The following LYPD6 variants were observed in gnomAD, a reference collection of about 807,000 sequenced individuals.
LYPD6 encodes LY6/PLAUR domain containing 6, also known as ly6/PLAUR domain-containing protein 6.
A neutral mutation model predicts 22.7 loss-of-function variants in LYPD6; 15 were observed. The ratio of observed to expected loss-of-function variants is 0.66; its 90% CI spans 0.44 to 1.02. The LOEUF (loss-of-function observed/expected upper bound fraction) is 1.02, where lower values mean the gene tolerates loss of function less well. Among genes scored for constraint, LYPD6 ranks in the 50% least tolerant of loss-of-function variants. LYPD6 has a pLI of 0.00. For missense variants in LYPD6, 189 were observed against 208.4 expected (o/e 0.91, Z 0.57); for synonymous variants, 72 against 77.5 (o/e 0.93, Z 0.37).
intron 1 of LYPD6, among the ~76,000 whole-genome samples, chr2:149,428,423 ACT>A (rs1683231271): frequency 6.6e-6 from 1 of 151,534 alleles, no homozygotes; most frequent in South Asian, 2.1e-4. Context: ...GGCTTTTTTG[ACT>A]CTCTCTCATC....
At chr2:149,407,724 C>G (rs1421304721) in intron 1 of LYPD6, among the ~76,000 whole-genome samples, 1 of 152,230 alleles carries the variant, frequency 6.6e-6, no homozygotes, top group Non-Finnish European at 1.5e-5. Context: ...AAGCCTTCTT[C>G]TCTCAACTTG....
chr2:149,335,663 CCACT>C (rs1337578220), intron 1 of LYPD6, among the ~76,000 whole-genome samples: 1 of 152,160 alleles, frequency 6.6e-6, no homozygotes, highest in Non-Finnish European at 1.5e-5. Context: ...CACTCACTTG[CCACT>C]CACTCACTCA....
intron 1 of LYPD6, among the ~76,000 whole-genome samples, chr2:149,393,350 A>C (rs527321153): frequency 1.3e-5 from 2 of 152,208 alleles, no homozygotes; most frequent in African/African-American, 4.8e-5. Flanking sequence ...CAGCCAGGCA[A>C]CTGAGGTCAG....
At position 149,468,788 on chromosome 2, in the gene LYPD6, G is replaced by C. The variant is rs1234413962; in HGVS notation, c.348+13G>C. ...TGAAGGCCACAAGGTCTGGGCAACA[G>C]AGCAAGTGACCAGTACTACATAGCC... On this transcript the variant is annotated intron_variant, in intron 4 of 4. Transcript: ENST00000334166. 6.2e-7 allele frequency: 1 copy of C among 1,612,658 alleles called. No individual in the cohort carries two copies. The highest frequency in any genetic ancestry group is 1.3e-5 in the African/African-American group (1 of 74,864).
chr2:149,443,693 G>A (rs1236281924), intron 2 of LYPD6, among the ~76,000 whole-genome samples: 2 of 151,948 alleles, frequency 1.3e-5, no homozygotes, highest in African/African-American at 2.4e-5. Context: ...AGTATTGCAT[G>A]GCTTTGGCGT....
At chr2:149,333,105 G>T (rs1038723206) in intron 1 of LYPD6, among the ~76,000 whole-genome samples, 5 of 152,024 alleles carry the variant, frequency 3.3e-5, no homozygotes, top group African/African-American at 1.2e-4. Context: ...ATTTTAAAAA[G>T]AATTGACAAA....
intron 1 of LYPD6, among the ~76,000 whole-genome samples, chr2:149,340,128 G>C (rs1342885607): frequency 6.6e-6 from 1 of 152,122 alleles, no homozygotes; most frequent in Non-Finnish European, 1.5e-5. Context: ...TAACAATGCA[G>C]TTAGTGTGTT....
At chr2:149,396,285 G>C (rs917604653) in intron 1 of LYPD6, among the ~76,000 whole-genome samples, 2 of 151,136 alleles carry the variant, frequency 1.3e-5, no homozygotes, top group Non-Finnish European at 2.9e-5. Context: ...GTGGTAACTG[G>C]TCTATTCAAT....
downstream of LYPD6, among the ~76,000 whole-genome samples, chr2:149,475,408 G>T (rs566507820): frequency 3.9e-5 from 6 of 152,196 alleles, no homozygotes; most frequent in African/African-American, 1.4e-4. Context: ...CTTCACTGGA[G>T]TCTACTGAAA....
chr2:149,464,102 A>G (rs896459879), intron 3 of LYPD6: 1 of 376,480 alleles, frequency 2.7e-6, no homozygotes, highest in South Asian at 1.9e-5. Context: ...TCTCAAAATA[A>G]TAGGTTAAAT....
chr2:149,366,275 G>A (rs1340913280), intron 1 of LYPD6, among the ~76,000 whole-genome samples: 1 of 151,998 alleles, frequency 6.6e-6, no homozygotes, highest in Non-Finnish European at 1.5e-5. Context: ...TCTCTGATTT[G>A]TGGCAGTTAC....
intron 1 of LYPD6, among the ~76,000 whole-genome samples, chr2:149,379,778 A>G (rs1682017948): frequency 6.6e-6 from 1 of 152,248 alleles, no homozygotes; most frequent in Admixed American, 6.5e-5. Context: ...ATGTTTATCA[A>G]GCATCACCTA....
At chr2:149,455,067 A>G (rs565471924) in intron 3 of LYPD6, among the ~76,000 whole-genome samples, 1 of 152,234 alleles carries the variant, frequency 6.6e-6, no homozygotes, top group Non-Finnish European at 1.5e-5. Context: ...GGCACCACTC[A>G]GGGGGCTTGT....
At chr2:149,430,732 A>G (rs1212824972) in intron 1 of LYPD6, among the ~76,000 whole-genome samples, 5 of 152,128 alleles carry the variant, frequency 3.3e-5, no homozygotes, top group Non-Finnish European at 5.9e-5. Context: ...TAGTCCTGAG[A>G]TTTTGTAATT....
chr2:149,481,099 A>T, the LYPD6 span, among the ~76,000 whole-genome samples: 2 of 152,150 alleles, frequency 1.3e-5, no homozygotes, highest in Non-Finnish European at 2.9e-5. Context: ...AAGAGTCCTG[A>T]CCTATAGCAA....
chr2:149,378,869 A>T (rs1225137250), intron 1 of LYPD6, among the ~76,000 whole-genome samples: 1 of 152,174 alleles, frequency 6.6e-6, no homozygotes, highest in Non-Finnish European at 1.5e-5. Flanking sequence ...TTGTGCCTAT[A>T]TCCTTGTTTT....
intron 1 of LYPD6, among the ~76,000 whole-genome samples, chr2:149,346,572 T>G (rs1472296880): frequency 1.3e-5 from 2 of 152,208 alleles, no homozygotes; most frequent in Non-Finnish European, 2.9e-5. Context: ...AAAAAGAACT[T>G]AGTTTGCATT....
At chr2:149,454,559 A>T (rs1680907568) in intron 3 of LYPD6, among the ~76,000 whole-genome samples, 1 of 152,094 alleles carries the variant, frequency 6.6e-6, no homozygotes, top group African/African-American at 2.4e-5. Context: ...ATTCTTCTGT[A>T]TGTCTTGTGG....
intron 1 of LYPD6, among the ~76,000 whole-genome samples, chr2:149,341,843 G>A (rs758513629): frequency 6.6e-6 from 1 of 152,162 alleles, no homozygotes; most frequent in Non-Finnish European, 1.5e-5. Flanking sequence ...CGAGGGAGGA[G>A]CCTTCATGCA....
Sources: gnomAD v4.1 joint callset for allele counts (sites outside exome capture counted in the v4.1 genomes callset) on GRCh38, gnomAD v4.1.1 for gene constraint, MANE v1.5 for transcripts, NCBI Gene and HGNC (gene_info 2026-07-23, HGNC 2026-07-21) for gene names.